SLC18A2: variants seen among roughly 807,000 people sequenced by gnomAD.
SLC18A2 encodes synaptic vesicular amine transporter.
SLC18A2 carries 33 observed loss-of-function variants against 59.2 expected under a neutral mutation model. The ratio of observed to expected loss-of-function variants is 0.56; its 90% confidence interval spans 0.42 to 0.75. SLC18A2 has a LOEUF of 0.75. Among genes scored for constraint, SLC18A2 ranks in the 30% least tolerant of loss-of-function variants. The probability of loss-of-function intolerance (pLI) is 0.00; values close to 1 mark genes in which losing one functional copy is unlikely to be tolerated. For missense variants in SLC18A2, 569 were observed against 668.6 expected, an observed-to-expected ratio of 0.85 and a Z score of 1.64; for synonymous variants, 228 against 253.5, an observed-to-expected ratio of 0.90 and a Z score of 0.95.
intron 10 of SLC18A2, among the ~76,000 whole-genome samples, chr10:117,263,372 G>C (rs768239209): frequency 6.6e-5 from 10 of 152,226 alleles, no homozygotes; most frequent in Non-Finnish European, 1.3e-4. Context: ...AAGGGAGGCT[G>C]TTCTGCCTTT....
intron 9 of SLC18A2, among the ~76,000 whole-genome samples, chr10:117,257,118 C>T: frequency 6.6e-6 from 1 of 152,168 alleles, no homozygotes; most frequent in Non-Finnish European, 1.5e-5. Flanking sequence ...GCACAATATT[C>T]TTTGAATTTG....
intron 10 of SLC18A2, among the ~76,000 whole-genome samples, chr10:117,259,704 G>C (rs912421732): frequency 6.6e-6 from 1 of 152,246 alleles, no homozygotes; most frequent in South Asian, 2.1e-4. Flanking sequence ...TGCTGTGGGG[G>C]AGGCCAGTGT....
chr10:117,261,689 G>A (rs919428262), intron 10 of SLC18A2, among the ~76,000 whole-genome samples: 2 of 152,188 alleles, frequency 1.3e-5, no homozygotes, highest in Non-Finnish European at 2.9e-5. Context: ...CTGAGTACCA[G>A]TGTCTTTGGA....
chr10:117,244,878 G>C (rs115267474), intron 3 of SLC18A2, among the ~76,000 whole-genome samples: 3,184 of 152,352 alleles, frequency 0.021, 96 homozygotes, highest in African/African-American at 0.072. Flanking sequence ...CCTTCTGCTG[G>C]CTACGTAGCC....
rs1022503248 is a variant in SLC18A2 at position 117,261,963 on chromosome 10, A to G, written c.991+4071A>G. On this transcript the variant is annotated intron_variant, in intron 10 of 15. Coordinates refer to ENST00000644641, the MANE Select transcript of SLC18A2 (RefSeq NM_003054.6). ...CAGTCTGTTGCCCAGGCTGGAGTGC[A>G]GTGGCACGATCTCAGCTCACTGCAA... 2.0e-5 allele frequency among the ~76,000 whole-genome samples: 3 copies of G among 152,096 alleles called. No individual in the cohort carries two copies. In the South Asian group the frequency reaches 6.2e-4, roughly 32 times the overall value.
At position 117,254,697 on chromosome 10, in the gene SLC18A2, T is replaced by TC. The variant is rs80092395; in HGVS notation, c.700+204dup. 2.6e-5 allele frequency among the ~76,000 whole-genome samples: 4 copies of TC among 152,164 alleles called. No individual in the cohort carries two copies. In the East Asian group the frequency reaches 7.7e-4, roughly 29 times the overall value. On this transcript the variant is annotated intron_variant, in intron 6 of 15. Transcript: ENST00000644641. ...GCTGGGGGTGGAGGGGATCAGGACT[T>TC]CCCCTGCCTCTGCCCCAAACCTCCC...
At chr10:117,263,390 C>A (rs1844315704) in intron 10 of SLC18A2, among the ~76,000 whole-genome samples, 1 of 152,208 alleles carries the variant, frequency 6.6e-6, no homozygotes, top group Non-Finnish European at 1.5e-5. Flanking sequence ...TTTATGCTTC[C>A]CTTCACTGTT....
At chr10:117,256,142 C>A (rs915494210) in intron 9 of SLC18A2, among the ~76,000 whole-genome samples, 3 of 152,176 alleles carry the variant, frequency 2.0e-5, no homozygotes, top group African/African-American at 7.2e-5. Context: ...AGCATCCCTG[C>A]CGAGCAGCAG....
Position 117,253,461 on chromosome 10 carries a change from A to G in SLC18A2, c.523+4A>G, listed in dbSNP as rs1206855643. The G allele has an allele frequency of 6.3e-7, 1 of 1,597,582 alleles. No homozygotes were observed. The highest frequency in any genetic ancestry group is 8.5e-7 in the Non-Finnish European group (1 of 1,169,990). ...ATCATGTTTGTCTCAACAATTAGTAAGTGTGTGGTGTTTTCCTTCTGAGTG... is the reference window on the plus strand; with the variant it reads ...ATCATGTTTGTCTCAACAATTAGTAGGTGTGTGGTGTTTTCCTTCTGAGTG... On this transcript the variant is annotated splice_donor_region_variant and intron_variant, in intron 4 of 15. Coordinates refer to ENST00000644641, the MANE Select transcript of SLC18A2 (RefSeq NM_003054.6).
chr10:117,262,270 A>G (rs918208808), intron 10 of SLC18A2, among the ~76,000 whole-genome samples: 1 of 152,238 alleles, frequency 6.6e-6, no homozygotes, highest in African/African-American at 2.4e-5. Context: ...GCCTGACATC[A>G]GAAGAGGTAT....
rs947816785 is a variant in SLC18A2 at position 117,269,678 on chromosome 10, C to T, written c.1187-393C>T. On this transcript the variant is annotated intron_variant, in intron 13 of 15. Coordinates refer to ENST00000644641, the MANE Select transcript of SLC18A2 (RefSeq NM_003054.6). The surrounding 1 kb of genome is among the most constrained non-coding windows in gnomAD (Gnocchi z 5.1). ...GGGACTCAGAGGTTGGTGCCCTCCC[C>T]TCCACATGTGTCAGTGGCAGGCACA... 6.6e-6 allele frequency among the ~76,000 whole-genome samples: 1 copy of T among 152,192 alleles called. No homozygotes were observed. Among genetic ancestry groups the T allele is most frequent in the African/African-American group, 2.4e-5 (1 of 41,450 alleles).
chr10:117,254,002 G>C (rs760193890), intron 4 of SLC18A2, 46 bp from the exon 5 acceptor site: 1 of 1,576,304 alleles, frequency 6.3e-7, no homozygotes, highest in Non-Finnish European at 8.7e-7. Context: ...GGACGGTTGT[G>C]TCCCAGCAGC....
intron 10 of SLC18A2, among the ~76,000 whole-genome samples, chr10:117,264,525 G>A (rs1844327805): frequency 6.6e-6 from 1 of 152,172 alleles, no homozygotes; most frequent in Non-Finnish European, 1.5e-5. Context: ...TCCAATACTG[G>A]AACTGCAGTC....
chr10:117,244,233 C>T lies in SLC18A2; in HGVS notation c.384C>T (p.Asn128=), dbSNP rs182578089. The T allele has an allele frequency of 3.9e-5, 63 of 1,614,238 alleles. No individual in the cohort carries two copies. The African/African-American group carries it at 4.8e-4, about 12-fold the overall frequency. ...PSEDKDLLNE[N]VQVGLLFASK... ...AAGACAAAGACCTCCTGAATGAAAACGTGCAAGTTGGTCTGTTGTTTGCCT... is the reference window on the plus strand; with the variant it reads ...AAGACAAAGACCTCCTGAATGAAAATGTGCAAGTTGGTCTGTTGTTTGCCT... The change falls in exon 3 of 16, where the codon AAC becomes AAT. Residue 128 remains asparagine, a synonymous_variant. Transcript: ENST00000644641.
chr10:117,264,909 T>G (rs1844332239), intron 10 of SLC18A2, among the ~76,000 whole-genome samples: 1 of 152,186 alleles, frequency 6.6e-6, no homozygotes, highest in South Asian at 2.1e-4. Flanking sequence ...CCCCAGAGCA[T>G]GACACCTGTG....
intron 5 of SLC18A2, 30 bp downstream of exon 5, chr10:117,254,161 G>C (rs776191949): frequency 1.2e-6 from 2 of 1,605,496 alleles, no homozygotes; most frequent in Non-Finnish European, 1.7e-6. Context: ...GTGAGTTCGT[G>C]AGGGGCCCCT....
intron 11 of SLC18A2, 66 bp downstream of exon 11, chr10:117,266,877 T>C: frequency 6.4e-7 from 1 of 1,568,196 alleles, no homozygotes. Context: ...AAATTCTAAG[T>C]TGTTTCTGCC....
chr10:117,270,529 C>T, intron 15 of SLC18A2, 66 bp downstream of exon 15: 1 of 1,571,038 alleles, frequency 6.4e-7, no homozygotes, highest in Non-Finnish European at 8.7e-7. Context: ...CTGATAGCTT[C>T]CTCATGGTTT....
At position 117,257,793 on chromosome 10, in the gene SLC18A2, A is replaced by G. The variant is rs1213422513; in HGVS notation, c.896-4A>G. On this transcript the variant is annotated splice_polypyrimidine_tract_variant and splice_region_variant and intron_variant, in intron 9 of 15. Transcript: ENST00000644641. ...CCACTACAAAGCCCTTTCCTCCCTT[A>G]CAGGCTCCATCTGCTTTGCAAACAT... 6.3e-7 allele frequency: 1 copy of G among 1,595,452 alleles called. No homozygotes were observed. Among genetic ancestry groups the G allele is most frequent in the Non-Finnish European group, 8.5e-7 (1 of 1,169,650 alleles).
Sources: gnomAD v4.1 joint callset for allele counts (sites outside exome capture counted in the v4.1 genomes callset) on GRCh38, gnomAD v4.1.1 for gene constraint, Gnocchi (gnomAD v3.1) non-coding constraint, MANE v1.5 for transcripts, NCBI Gene and HGNC (gene_info 2026-07-23, HGNC 2026-07-21) for gene names.